The following AGTPBP1 variants were observed in gnomAD, a reference collection of about 807,000 sequenced individuals.
AGTPBP1 encodes the protein ATP/GTP binding carboxypeptidase 1.
Under a neutral mutation model 143.9 loss-of-function variants are expected in AGTPBP1, and 70 were observed. The ratio of observed to expected loss-of-function variants is 0.49; its 90% CI spans 0.40 to 0.59. The LOEUF is 0.59. Among genes scored for constraint, AGTPBP1 ranks in the 20% least tolerant of loss-of-function variants. AGTPBP1 has a pLI of 0.00. For synonymous variants in AGTPBP1, 463 were observed against 500.2 expected (o/e 0.93, Z 0.99); for missense variants, 1,229 against 1,464.5 (o/e 0.84, Z 2.62).
rs200945192 is a variant in AGTPBP1 at position 85,594,589 on chromosome 9, A to T, written c.2423+1773T>A. 4.4e-4 allele frequency among the ~76,000 whole-genome samples: 9 copies of T among 20,574 alleles called. No individual in the cohort carries two copies. In the African/African-American group the frequency reaches 6.4e-3, roughly 15 times the overall value. The allele number at this position is 20,574 out of a possible 152,430, so 13.5% of individuals were successfully genotyped here. A position where few individuals can be genotyped will look rare whatever the true frequency, so the allele number is the denominator to read the frequency against. ...TGGGCAACAGGGCAAGACTGTGTTT[A>T]AAAAAAAAAATTAAAATTTAAATAA... On this transcript the variant is annotated intron_variant, in intron 18 of 25. Transcript: ENST00000357081.
chr9:85,702,380 T>C (rs1158654313), intron 2 of AGTPBP1, among the ~76,000 whole-genome samples: 4 of 152,200 alleles, frequency 2.6e-5, no homozygotes, highest in African/African-American at 9.6e-5. Context: ...TTTGTGTGTT[T>C]TACTGTGCTT....
the AGTPBP1 span, among the ~76,000 whole-genome samples, chr9:85,800,965 C>T: frequency 6.6e-6 from 1 of 152,034 alleles, no homozygotes; most frequent in African/African-American, 2.4e-5. Flanking sequence ...TAGCCAATCC[C>T]TACTTACTGT....
chr9:85,697,445 GTTTTTTTTTTTTT>G (rs758082233), intron 2 of AGTPBP1, among the ~76,000 whole-genome samples: 1 of 65,072 alleles, frequency 1.5e-5, no homozygotes, highest in African/African-American at 6.5e-5. Context: ...TTTGTTTTTT[GTTTTTTTTTTTTT>G]TTTTTTTTTT....
At chr9:85,620,341 G>C (rs1255463059) in intron 15 of AGTPBP1, among the ~76,000 whole-genome samples, 3 of 149,452 alleles carry the variant, frequency 2.0e-5, no homozygotes, top group African/African-American at 7.4e-5. Context: ...TTAAGCCCAA[G>C]AGGCAGAGGT....
intron 7 of AGTPBP1, among the ~76,000 whole-genome samples, chr9:85,672,102 G>T (rs1229442882): frequency 1.3e-5 from 2 of 150,916 alleles, no homozygotes; most frequent in African/African-American, 4.9e-5. Context: ...ACGGAGTCTT[G>T]CTCTATCACC....
intron 3 of AGTPBP1, among the ~76,000 whole-genome samples, chr9:85,690,527 G>A (rs1234329364): frequency 6.6e-6 from 1 of 151,336 alleles, no homozygotes. Context: ...TCTGATAGTG[G>A]TATGGTCAGG....
chr9:85,712,763 T>C (rs1021189017), intron 1 of AGTPBP1, among the ~76,000 whole-genome samples, 197 bp from the exon 2 acceptor site: 15 of 152,162 alleles, frequency 9.9e-5, no homozygotes, highest in African/African-American at 3.4e-4. Context: ...AAAATACCTA[T>C]AATCAGCCAG....
the AGTPBP1 span, chr9:85,774,040 A>T: frequency 3.8e-6 from 6 of 1,573,528 alleles, no homozygotes; most frequent in South Asian, 3.3e-5. Context: ...TTCAAAGGTA[A>T]CTTCCCCTTT....
At chr9:85,622,949 T>TAAA (rs1374944355) in intron 14 of AGTPBP1, among the ~76,000 whole-genome samples, 1 of 152,210 alleles carries the variant, frequency 6.6e-6, no homozygotes, top group African/African-American at 2.4e-5. Flanking sequence ...CACAAATATG[T>TAAA]AAAAATTAAT....
chr9:85,770,645 G>A, the AGTPBP1 span, among the ~76,000 whole-genome samples: 8 of 152,194 alleles, frequency 5.3e-5, no homozygotes, highest in Admixed American at 4.6e-4. Context: ...AGAACTAAAT[G>A]TTGTTATCTA....
At chr9:85,763,602 A>G in the AGTPBP1 span, among the ~76,000 whole-genome samples, 171 of 152,046 alleles carry the variant, frequency 1.1e-3, 1 homozygote, top group Non-Finnish European at 4.9e-4. Context: ...ACTAAAAACT[A>G]TAATGTAACT....
intron 2 of AGTPBP1, among the ~76,000 whole-genome samples, chr9:85,693,120 C>T (rs1342760025): frequency 6.6e-6 from 1 of 152,178 alleles, no homozygotes; most frequent in African/African-American, 2.4e-5. Context: ...AGACTTTTTA[C>T]ACTTACTCTG....
chr9:85,636,265 T>C lies in AGTPBP1; in HGVS notation c.1303-2891A>G, dbSNP rs532945081. Among the ~76,000 whole-genome samples, 21 of 126,338 alleles carry C rather than the reference T, an allele frequency of 1.7e-4. No individual in the cohort carries two copies. In the South Asian group the frequency reaches 5.1e-3, roughly 30 times the overall value. 82.9% of individuals were successfully genotyped at this position (126,338 alleles called of 152,430 possible). A position where few individuals can be genotyped will look rare whatever the true frequency, so the allele number is the denominator to read the frequency against. On this transcript the variant is annotated intron_variant, in intron 13 of 25. Transcript: ENST00000357081. ...AATGCATTTTGTAAGGTTTCTTTTT[T>C]TTTTTTTTTTTTTTTGAGAGGGAGT...
chr9:85,778,115 T>C, the AGTPBP1 span, among the ~76,000 whole-genome samples: 1 of 152,184 alleles, frequency 6.6e-6, no homozygotes, highest in African/African-American at 2.4e-5. Context: ...TGTGCCACTT[T>C]CTCATGTAAC....
intron 11 of AGTPBP1, among the ~76,000 whole-genome samples, chr9:85,647,665 C>T (rs1187817512): frequency 1.3e-5 from 2 of 152,146 alleles, no homozygotes; most frequent in Non-Finnish European, 2.9e-5. Flanking sequence ...ATGCTGACCA[C>T]TTCACAGAAT....
intron 25 of AGTPBP1, among the ~76,000 whole-genome samples, chr9:85,572,004 G>GTGTTTTT (rs1827509214): frequency 4.6e-5 from 2 of 43,434 alleles, no homozygotes; most frequent in African/African-American, 6.4e-5. Flanking sequence ...GTTTGTGTGT[G>GTGTTTTT]TTTTTTTTTT....
Position 85,655,330 on chromosome 9 carries a change from A to G in AGTPBP1, c.910-10T>C, listed in dbSNP as rs941484835. On this transcript the variant is annotated splice_polypyrimidine_tract_variant and intron_variant, in intron 10 of 25. Coordinates refer to ENST00000357081, the MANE Select transcript of AGTPBP1 (RefSeq NM_001330701.2). The stretch of plus-strand genomic sequence containing the variant: ...TGACTGCCAGACATTCCTGTTTTTT[A>G]AAAAAAGAAAAAGAAAAAGAATGTT... 2 of 1,473,330 alleles carry G rather than the reference A, an allele frequency of 1.4e-6. No individual in the cohort carries two copies. Among genetic ancestry groups the G allele is most frequent in the Non-Finnish European group, 1.8e-6 (2 of 1,111,994 alleles). 91.3% of individuals were successfully genotyped at this position (1,473,330 alleles called of 1,614,324 possible).
chr9:85,741,391 C>CA, intron 1 of AGTPBP1: 1 of 985,300 alleles, frequency 1.0e-6, no homozygotes. Context: ...CCCGGCCCTG[C>CA]AGCCCCTCGG....
intron 6 of AGTPBP1, among the ~76,000 whole-genome samples, chr9:85,674,532 T>C (rs1240957714): frequency 3.3e-5 from 5 of 152,102 alleles, no homozygotes; most frequent in Admixed American, 2.6e-4. Context: ...TGCCAAATTA[T>C]GGTTTTCTTA....
Sources: gnomAD v4.1 joint callset for allele counts (sites outside exome capture counted in the v4.1 genomes callset) on GRCh38, gnomAD v4.1.1 for gene constraint, MANE v1.5 for transcripts, NCBI Gene and HGNC (gene_info 2026-07-23, HGNC 2026-07-21) for gene names.